OPHN1: variants seen among roughly 807,000 people sequenced by gnomAD.
OPHN1 encodes the protein oligophrenin 1.
A neutral mutation model predicts 60.7 loss-of-function variants in OPHN1; 11 were observed. The observed-to-expected ratio is 0.18, with a 90% CI of 0.11 to 0.30. The LOEUF (loss-of-function observed/expected upper bound fraction) is 0.30, where lower values mean the gene tolerates loss of function less well. Among genes scored for constraint, OPHN1 ranks in the 10% least tolerant of loss-of-function variants. The pLI is 1.00. For missense variants in OPHN1, 449 were observed against 611.0 expected, an observed-to-expected ratio of 0.73 and a Z score of 2.80; for synonymous variants, 226 against 222.6, an observed-to-expected ratio of 1.02 and a Z score of -0.14.
intron 5 of OPHN1, among the ~76,000 whole-genome samples, chrX:68,257,014 A>G (rs2077867185): frequency 9.2e-6 from 1 of 108,968 alleles, no homozygotes; most frequent in Non-Finnish European, 1.9e-5. Context: ...CCTGGGTGAC[A>G]GAGCGAGACT....
chrX:68,082,430 A>G (rs114067148), intron 19 of OPHN1, among the ~76,000 whole-genome samples: 23,634 of 111,560 alleles, frequency 0.21, 2,028 homozygotes, highest in Middle Eastern at 0.3. Context: ...AAGACTGGAA[A>G]GTTACTTTAT....
At chrX:68,125,804 G>C (rs375951458) in intron 15 of OPHN1, among the ~76,000 whole-genome samples, 2 of 103,585 alleles carry the variant, frequency 1.9e-5, no homozygotes, top group Admixed American at 2.1e-4. Flanking sequence ...AAAATAGAGG[G>C]GGGAGGGAGT....
chrX:68,329,071 C>T (rs755901082), intron 2 of OPHN1, among the ~76,000 whole-genome samples: 18 of 111,515 alleles, frequency 1.6e-4, no homozygotes, highest in Non-Finnish European at 2.8e-4. Flanking sequence ...GCGCCCACCA[C>T]CACGCCCCGC....
At chrX:68,064,991 G>A (rs1209726806) in intron 20 of OPHN1, among the ~76,000 whole-genome samples, 1 of 110,699 alleles carries the variant, frequency 9.0e-6, no homozygotes, top group Non-Finnish European at 1.9e-5. Context: ...AGGGCCTGTT[G>A]TGAGGTGGGC....
At chrX:68,194,192 T>G (rs1029759857) in intron 13 of OPHN1, among the ~76,000 whole-genome samples, 7 of 112,562 alleles carry the variant, frequency 6.2e-5, no homozygotes, top group Non-Finnish European at 1.1e-4. Context: ...AGCAAAGTCA[T>G]ATGTGAAATG....
intron 5 of OPHN1, among the ~76,000 whole-genome samples, chrX:68,265,540 T>C (rs1023586174): frequency 4.5e-5 from 5 of 110,450 alleles, no homozygotes; most frequent in African/African-American, 1.6e-4. Flanking sequence ...GTCAAAATCA[T>C]CAAAGACCAA....
chrX:68,103,368 G>T (rs746222828), intron 18 of OPHN1, among the ~76,000 whole-genome samples: 1 of 111,830 alleles, frequency 8.9e-6, no homozygotes, highest in South Asian at 3.8e-4. Flanking sequence ...AGTATTGATG[G>T]AACATATCTC....
intron 15 of OPHN1, among the ~76,000 whole-genome samples, chrX:68,119,772 TA>T (rs1457789207): frequency 1.8e-5 from 2 of 111,261 alleles, no homozygotes; most frequent in Non-Finnish European, 3.8e-5. Context: ...ATTTGAGAGG[TA>T]AAAACTCCAA....
chrX:68,352,193 A>G (rs1386807837), intron 2 of OPHN1, among the ~76,000 whole-genome samples: 1 of 109,317 alleles, frequency 9.1e-6, no homozygotes, highest in Non-Finnish European at 1.9e-5. Context: ...GTTAAATCCA[A>G]CTCCGCACCC....
intron 15 of OPHN1, among the ~76,000 whole-genome samples, chrX:68,170,823 C>T (rs2077387344): frequency 2.9e-5 from 3 of 103,863 alleles, no homozygotes. Context: ...AGGAGATATA[C>T]CTAATGCTAA....
At chrX:68,182,193 T>G (rs1219686287) in intron 15 of OPHN1, among the ~76,000 whole-genome samples, 1 of 96,082 alleles carries the variant, frequency 1.0e-5, no homozygotes, top group Non-Finnish European at 2.1e-5. Context: ...CTGTAGTTTT[T>G]TTTTTTTTTT....
At chrX:68,151,267 G>A (rs931440483) in intron 15 of OPHN1, among the ~76,000 whole-genome samples, 3 of 112,137 alleles carry the variant, frequency 2.7e-5, no homozygotes, top group African/African-American at 9.7e-5. Flanking sequence ...TAAAAGAATG[G>A]GTGTGGCTAT....
intron 15 of OPHN1, among the ~76,000 whole-genome samples, chrX:68,125,954 T>TATATAC (rs1262640434): frequency 0.048 from 2,698 of 55,798 alleles, 329 homozygotes; most frequent in Non-Finnish European, 0.079. Flanking sequence ...TATATATATA[T>TATATAC]ATACATACAC....
At position 68,146,636 on chromosome X, in the gene OPHN1, G is replaced by A. The variant is rs2077265005; in HGVS notation, c.1277-27304C>T. On this transcript the variant is annotated intron_variant, in intron 15 of 24. Coordinates refer to ENST00000355520, the MANE Select transcript of OPHN1 (RefSeq NM_002547.3). ...GATTACCCCGATAATTAGGTCAGCA[G>A]AGGGGCCTAGGAAAGCTTCTTGAAA... Among the ~76,000 whole-genome samples the A allele has an allele frequency of 4.4e-5, 5 of 112,665 alleles. No homozygotes were observed. In the Admixed American group the frequency reaches 4.7e-4, roughly 11 times the overall value.
At chrX:68,377,963 G>A (rs2078570023) in intron 2 of OPHN1, among the ~76,000 whole-genome samples, 2 of 111,872 alleles carry the variant, frequency 1.8e-5, no homozygotes, top group South Asian at 7.5e-4. Flanking sequence ...GGATGGCTGG[G>A]TCAAATGGTA....
intron 2 of OPHN1, among the ~76,000 whole-genome samples, chrX:68,408,244 A>G (rs1200437599): frequency 8.9e-6 from 1 of 112,408 alleles, no homozygotes; most frequent in Non-Finnish European, 1.9e-5. Context: ...ACAAAGCACA[A>G]TGCTTTATAG....
chrX:68,172,493 G>A (rs1202000962), intron 15 of OPHN1, among the ~76,000 whole-genome samples: 1 of 111,145 alleles, frequency 9.0e-6, no homozygotes, highest in African/African-American at 3.3e-5. Context: ...TGTAGCTGAG[G>A]GATCTTATTG....
intron 9 of OPHN1, among the ~76,000 whole-genome samples, chrX:68,209,539 C>T (rs770306506): frequency 3.6e-5 from 4 of 111,583 alleles, no homozygotes; most frequent in Non-Finnish European, 3.8e-5. Context: ...GCACTCCAAC[C>T]TGGACAACAG....
At chrX:68,177,690 G>A (rs997691984) in intron 15 of OPHN1, among the ~76,000 whole-genome samples, 111 of 110,967 alleles carry the variant, frequency 1.0e-3, no homozygotes, top group African/African-American at 3.6e-3. Flanking sequence ...AGAATGGGAG[G>A]AAGAGAGAGA....
Sources: gnomAD v4.1 joint callset for allele counts (sites outside exome capture counted in the v4.1 genomes callset) on GRCh38, gnomAD v4.1.1 for gene constraint, MANE v1.5 for transcripts, NCBI Gene and HGNC (gene_info 2026-07-23, HGNC 2026-07-21) for gene names.